Variants in POU6F2 observed in about 807,000 individuals in gnomAD.
POU6F2 encodes POU class 6 homeobox 2, also known as POU domain, class 6, transcription factor 2.
In POU6F2, 31 loss-of-function variants were observed where a neutral mutation model predicts 71.3. The observed-to-expected ratio is 0.43, with a 90% CI of 0.33 to 0.59. The LOEUF (loss-of-function observed/expected upper bound fraction) is 0.59, where lower values mean the gene tolerates loss of function less well. Among genes scored for constraint, POU6F2 ranks in the 20% least tolerant of loss-of-function variants. The probability of loss-of-function intolerance (pLI) is 0.04; values close to 1 mark genes in which losing one functional copy is unlikely to be tolerated. For synonymous variants in POU6F2, 347 were observed against 355.7 expected (o/e 0.98, Z 0.27); for missense variants, 783 against 856.8 (o/e 0.91, Z 1.07).
At chr7:39,337,009 G>C (rs567019053) in intron 4 of POU6F2, among the ~76,000 whole-genome samples, 2 of 152,078 alleles carry the variant, frequency 1.3e-5, no homozygotes, top group East Asian at 3.9e-4. Flanking sequence ...AATCCCATCC[G>C]ATACAATTCT....
intron 1 of POU6F2, among the ~76,000 whole-genome samples, chr7:39,020,780 T>A (rs950492996): frequency 2.3e-5 from 1 of 44,016 alleles, no homozygotes; most frequent in African/African-American, 7.0e-5. Context: ...TAGGTTAGAT[T>A]TTTTTTTTTT....
intron 1 of POU6F2, among the ~76,000 whole-genome samples, chr7:39,039,450 C>T (rs145486474): frequency 2.5e-3 from 379 of 151,938 alleles, no homozygotes; most frequent in African/African-American, 8.9e-3. Context: ...CCTTTATGGA[C>T]GCATCAACTA....
At chr7:39,332,350 C>T (rs994503512) in intron 4 of POU6F2, among the ~76,000 whole-genome samples, 1 of 152,176 alleles carries the variant, frequency 6.6e-6, no homozygotes, top group African/African-American at 2.4e-5. Context: ...AGTGGGGCTC[C>T]CTTGTGTTGC....
At chr7:39,016,063 TAATATATAG>T (rs1230178878) in intron 1 of POU6F2, among the ~76,000 whole-genome samples, 2 of 59,640 alleles carry the variant, frequency 3.4e-5, no homozygotes, top group Admixed American at 2.3e-4. Flanking sequence ...ATATTATATA[TAATATATAG>T]ATATATATTA....
At chr7:39,387,267 A>G (rs1025546197) in intron 5 of POU6F2, among the ~76,000 whole-genome samples, 3 of 152,204 alleles carry the variant, frequency 2.0e-5, no homozygotes, top group South Asian at 2.1e-4. Context: ...GCATGAACAC[A>G]CATGGCCCTG....
intron 1 of POU6F2, among the ~76,000 whole-genome samples, chr7:39,025,786 A>G (rs1283948129): frequency 6.6e-6 from 1 of 151,240 alleles, no homozygotes; most frequent in Non-Finnish European, 1.5e-5. Flanking sequence ...GCACAGCAAA[A>G]GAAACTACCA....
intron 2 of POU6F2, among the ~76,000 whole-genome samples, chr7:39,186,068 G>A (rs755205015): frequency 4.6e-5 from 7 of 151,916 alleles, no homozygotes; most frequent in East Asian, 1.9e-4. Flanking sequence ...TCACTACCAC[G>A]CGTGGCTGGT....
At chr7:39,282,215 A>G (rs956988099) in intron 4 of POU6F2, among the ~76,000 whole-genome samples, 4 of 152,100 alleles carry the variant, frequency 2.6e-5, no homozygotes, top group Admixed American at 6.5e-5. Flanking sequence ...ATAGTTTGCA[A>G]ATATTTTCTC....
At chr7:39,056,012 A>T (rs201430196) in intron 1 of POU6F2, among the ~76,000 whole-genome samples, 2 of 69,212 alleles carry the variant, frequency 2.9e-5, no homozygotes, top group African/African-American at 1.7e-4. Flanking sequence ...TTTAATCTTT[A>T]AAAAAAAAAG....
chr7:39,381,102 C>G (rs1342343144), intron 5 of POU6F2, among the ~76,000 whole-genome samples: 2 of 152,138 alleles, frequency 1.3e-5, no homozygotes, highest in Non-Finnish European at 2.9e-5. Context: ...CACTCTGTCC[C>G]CCAGGCTGCA....
intron 4 of POU6F2, among the ~76,000 whole-genome samples, chr7:39,274,651 A>G (rs1784402441): frequency 1.7e-5 from 2 of 116,276 alleles, no homozygotes; most frequent in African/African-American, 3.2e-5. Flanking sequence ...AAAATCCTCA[A>G]TAAAATACTG....
intron 6 of POU6F2, among the ~76,000 whole-genome samples, chr7:39,409,830 C>T (rs1787515661): frequency 6.6e-6 from 1 of 152,212 alleles, no homozygotes; most frequent in African/African-American, 2.4e-5. Flanking sequence ...TTTCTGTTAA[C>T]TGGATATCAG....
chr7:39,031,691 G>A (rs1232815464), intron 1 of POU6F2, among the ~76,000 whole-genome samples: 4 of 151,984 alleles, frequency 2.6e-5, no homozygotes, highest in African/African-American at 9.7e-5. Context: ...GAGCAGCCTG[G>A]TCAACATGGC....
intron 4 of POU6F2, among the ~76,000 whole-genome samples, chr7:39,236,024 T>A (rs184289660): frequency 6.0e-4 from 92 of 152,306 alleles, no homozygotes; most frequent in Non-Finnish European, 8.1e-4. Context: ...CTGGAGTAGA[T>A]CTTTTATTCT....
intron 4 of POU6F2, among the ~76,000 whole-genome samples, chr7:39,246,137 A>G (rs967185745): frequency 6.6e-6 from 1 of 152,154 alleles, no homozygotes; most frequent in African/African-American, 2.4e-5. Flanking sequence ...GTCTCATTGG[A>G]GAAATGTTGG....
chr7:39,259,949 C>T (rs527797271), intron 4 of POU6F2, among the ~76,000 whole-genome samples: 7 of 151,900 alleles, frequency 4.6e-5, no homozygotes, highest in Non-Finnish European at 7.4e-5. Context: ...ATGCCCTACA[C>T]GTACATGCAC....
chr7:39,030,500 CTATA>C (rs58426134), intron 1 of POU6F2, among the ~76,000 whole-genome samples: 3,942 of 46,116 alleles, frequency 0.085, 149 homozygotes, highest in African/African-American at 0.12. Context: ...TCAAAAAATA[CTATA>C]TATATATATA....
chr7:39,103,623 C>A (rs1309871868), intron 2 of POU6F2, among the ~76,000 whole-genome samples: 1 of 152,148 alleles, frequency 6.6e-6, no homozygotes, highest in Non-Finnish European at 1.5e-5. Flanking sequence ...AAAACTAGAT[C>A]TTTAGCTTTT....
intron 6 of POU6F2, among the ~76,000 whole-genome samples, chr7:39,410,363 C>T (rs547270730): frequency 6.6e-6 from 1 of 152,288 alleles, no homozygotes; most frequent in African/African-American, 2.4e-5. Context: ...ATGTTAAAGG[C>T]TCTAAAGTTA....
Sources: allele counts gnomAD v4.1 joint callset (sites outside exome capture counted in the v4.1 genomes callset), GRCh38; gene constraint gnomAD v4.1.1; transcripts MANE v1.5; gene names NCBI Gene and HGNC (gene_info 2026-07-23, HGNC 2026-07-21).